Variants in CNDP2 observed in about 807,000 individuals in gnomAD.
CNDP2 encodes cytosolic non-specific dipeptidase.
A neutral mutation model predicts 55.0 loss-of-function variants in CNDP2; 38 were observed. The ratio of observed to expected loss-of-function variants is 0.69; its 90% CI spans 0.53 to 0.90. CNDP2 has a LOEUF of 0.90. CNDP2 is among the 40% of genes least tolerant of loss of function. The probability of loss-of-function intolerance (pLI) is 0.00; values close to 1 mark genes in which losing one functional copy is unlikely to be tolerated. For missense variants in CNDP2, 607 were observed against 621.7 expected (o/e 0.98, Z 0.25); for synonymous variants, 241 against 260.2 (o/e 0.93, Z 0.71).
intron 8 of CNDP2, 85 bp downstream of exon 8, chr18:74,513,804 C>T (rs1979494916): frequency 1.4e-6 from 2 of 1,404,404 alleles, no homozygotes; most frequent in Non-Finnish European, 1.9e-6. Context: ...TTCCCTGGGT[C>T]CAGGGGGTCT....
Position 74,511,339 on chromosome 18 carries a change from T to TC in CNDP2, c.657+328dup, listed in dbSNP as rs1431123904. 4.4e-5 allele frequency: 13 copies of TC among 293,166 alleles called. No homozygotes were observed. The South Asian group carries it at 9.0e-4, about 20-fold the overall frequency. The allele number at this position is 293,166 out of a possible 1,614,324, so 18.2% of individuals were successfully genotyped here. A position where few individuals can be genotyped will look rare whatever the true frequency, so the allele number is the denominator to read the frequency against. ...ACATACAAAGCATTTTAGAAACACTTCCTTTTGAAGGTGGAAATATTTATA... is the reference window on the plus strand; with the variant it reads ...ACATACAAAGCATTTTAGAAACACTTCCCTTTTGAAGGTGGAAATATTTATA... On this transcript the variant is annotated intron_variant, in intron 6 of 11. Transcript: ENST00000324262.
chr18:74,498,714 C>T (rs898888192), intron 1 of CNDP2, among the ~76,000 whole-genome samples: 3 of 152,228 alleles, frequency 2.0e-5, no homozygotes, highest in African/African-American at 7.2e-5. Flanking sequence ...ATAAACGCCT[C>T]TCCAGCGTGC....
chr18:74,505,271 A>T (rs1368269632), intron 3 of CNDP2: 1 of 152,228 alleles, frequency 6.6e-6, no homozygotes, highest in African/African-American at 2.4e-5. Flanking sequence ...GTGTTTTGTT[A>T]TATAAAAGTC....
Position 74,510,876 on chromosome 18 carries a change from G to C in CNDP2, c.520G>C (p.Asp174His). The change falls in exon 6 of 12, where the codon GAC (aspartate) becomes CAC (histidine). Residue 174 changes from aspartate to histidine, a missense_variant. Asp to His is a moderately conservative substitution (Grantham distance 81, BLOSUM62 -1). Transcript: ENST00000324262. Reference sequence around the variant, plus strand: ...GGAGGAGTCAGGCTCTGAGGGCCTAGACGAGCTGATTTTTGCCCGGAAAGA... The same window carrying C: ...GGAGGAGTCAGGCTCTGAGGGCCTACACGAGCTGATTTTTGCCCGGAAAGA... ...GMEESGSEGL[D>H]ELIFARKDTF... 1 of 1,614,220 alleles carries C rather than the reference G, an allele frequency of 6.2e-7. No homozygotes were observed. The highest frequency in any genetic ancestry group is 8.5e-7 in the Non-Finnish European group (1 of 1,180,052).
At chr18:74,502,109 C>T (rs749727767) in intron 3 of CNDP2, among the ~76,000 whole-genome samples, 30 of 152,326 alleles carry the variant, frequency 2.0e-4, no homozygotes, top group Non-Finnish European at 4.0e-4. Flanking sequence ...TGGTCTCGAA[C>T]TCCTGACCTC....
At position 74,499,958 on chromosome 18, in the gene CNDP2, G is replaced by C. The variant is rs748832993; in HGVS notation, c.-16G>C. The C allele has an allele frequency of 3.7e-6, 6 of 1,613,434 alleles. No homozygotes were observed. The highest frequency in any genetic ancestry group is 5.1e-6 in the Non-Finnish European group (6 of 1,179,528). Reference sequence around the variant, plus strand: ...CAAGAACCTTCGAGATCTGCGGTCTGGGGTCTGGTTGAAAGATGGCGGCCC... The same window carrying C: ...CAAGAACCTTCGAGATCTGCGGTCTCGGGTCTGGTTGAAAGATGGCGGCCC... On this transcript the variant is annotated 5_prime_UTR_variant, in exon 2 of 12. Coordinates refer to ENST00000324262, the MANE Select transcript of CNDP2 (RefSeq NM_018235.3).
intron 11 of CNDP2, 55 bp from the exon 12 acceptor site, chr18:74,519,944 C>T: frequency 1.9e-6 from 3 of 1,541,820 alleles, no homozygotes; most frequent in Non-Finnish European, 2.7e-6. Flanking sequence ...TCACCCCACA[C>T]CTGGGTGTTG....
chr18:74,519,937 C>T (rs1038738671), intron 11 of CNDP2, 62 bp from the exon 12 acceptor site: 53 of 1,501,426 alleles, frequency 3.5e-5, no homozygotes, highest in Non-Finnish European at 4.7e-5. Flanking sequence ...GGAGGAGTCA[C>T]CCCACACCTG....
rs1464869055 is a variant in CNDP2, at chr18:74,523,166, T to C, written c.*3098T>C. 1 of 152,222 alleles carries C rather than the reference T, an allele frequency of 6.6e-6. No individual in the cohort carries two copies. Among genetic ancestry groups the C allele is most frequent in the Non-Finnish European group, 1.5e-5 (1 of 68,058 alleles). 9.4% of individuals were successfully genotyped at this position (152,222 alleles called of 1,614,324 possible). On this transcript the variant is annotated 3_prime_UTR_variant, in exon 12 of 12. Transcript: ENST00000324262. Reference sequence around the variant, plus strand: ...ACATTTGCACACGTCCAGACTGCTTTATGTTAGAAGCTGAGCTGGCATGCC... The same window carrying C: ...ACATTTGCACACGTCCAGACTGCTTCATGTTAGAAGCTGAGCTGGCATGCC...
At chr18:74,518,170 G>C in intron 9 of CNDP2, 1 of 177,424 alleles carries the variant, frequency 5.6e-6, no homozygotes, top group South Asian at 1.2e-4. Flanking sequence ...GCTGAGGCAG[G>C]AGAATGGCGT....
rs1295334021 is a variant in CNDP2, at chr18:74,521,264, C to G, written c.*1196C>G. ...CCAGGTCTTCCCAGGCGAGCACTCCCTCCCTCGTCCACACAAGTGGAGGCT... is the reference window on the plus strand; with the variant it reads ...CCAGGTCTTCCCAGGCGAGCACTCCGTCCCTCGTCCACACAAGTGGAGGCT... On this transcript the variant is annotated 3_prime_UTR_variant, in exon 12 of 12. Transcript: ENST00000324262. The G allele has an allele frequency of 6.6e-6, 1 of 152,298 alleles. No homozygotes were observed. Among genetic ancestry groups the G allele is most frequent in the Non-Finnish European group, 1.5e-5 (1 of 68,102 alleles). 9.4% of individuals were successfully genotyped at this position (152,298 alleles called of 1,614,324 possible).
intron 1 of CNDP2, among the ~76,000 whole-genome samples, chr18:74,497,325 T>A (rs1978468549): frequency 6.6e-6 from 1 of 152,198 alleles, no homozygotes; most frequent in South Asian, 2.1e-4. Flanking sequence ...TGGTTCTTAA[T>A]CAGACATGAA....
Position 74,519,070 on chromosome 18 carries a change from C to T in CNDP2, c.1332C>T (p.Ala444=). The T allele has an allele frequency of 6.2e-7, 1 of 1,610,878 alleles. No homozygotes were observed. Among genetic ancestry groups the T allele is most frequent in the Non-Finnish European group, 8.5e-7 (1 of 1,177,420 alleles). Residue 444 remains alanine, a synonymous_variant, in exon 11 of 12, where the codon GCC becomes GCT. Coordinates refer to ENST00000324262, the MANE Select transcript of CNDP2 (RefSeq NM_018235.3). ...LLPVGSADDG[A]HSQNEKLNRY... ...CTGTGGGGTCAGCGGATGACGGAGC[C>T]CACTCCCAGAATGAAAAGCTCAACA...
At position 74,512,296 on chromosome 18, in the gene CNDP2, T is replaced by C. The variant is rs1201810187; in HGVS notation, c.658-152T>C. 10 of 619,634 alleles carry C rather than the reference T, an allele frequency of 1.6e-5. No individual in the cohort carries two copies. In the East Asian group the frequency reaches 1.8e-4, roughly 11 times the overall value. 38.4% of individuals were successfully genotyped at this position (619,634 alleles called of 1,614,324 possible). On this transcript the variant is annotated intron_variant, in intron 6 of 11. Transcript: ENST00000324262. Reference sequence around the variant, plus strand: ...TTTTGTTCCTGCCTAGGTTTTTAATTTGGGAAATGCCTTGCTTTGCTCCCT... The same window carrying C: ...TTTTGTTCCTGCCTAGGTTTTTAATCTGGGAAATGCCTTGCTTTGCTCCCT...
intron 6 of CNDP2, 51 bp downstream of exon 6, chr18:74,511,064 G>A (rs777916953): frequency 1.7e-5 from 26 of 1,516,166 alleles, no homozygotes; most frequent in African/African-American, 2.8e-5. Flanking sequence ...TGAATCTCCC[G>A]GTTCTCCCAA....
chr18:74,507,247 CT>C (rs1249321782), intron 4 of CNDP2: 1 of 152,318 alleles, frequency 6.6e-6, no homozygotes, highest in East Asian at 1.9e-4. Flanking sequence ...AAGTCTTTGT[CT>C]TTGCTCCTTG....
intron 3 of CNDP2, among the ~76,000 whole-genome samples, chr18:74,502,030 C>T (rs1193533037): frequency 1.3e-5 from 2 of 152,058 alleles, no homozygotes; most frequent in South Asian, 2.1e-4. Flanking sequence ...AGTAGCTGGG[C>T]GAGCGCCACT....
intron 4 of CNDP2, 119 bp downstream of exon 4, chr18:74,506,130 T>C: frequency 1.0e-6 from 1 of 972,742 alleles, no homozygotes; most frequent in Non-Finnish European, 1.3e-6. Context: ...TTTATTTTAT[T>C]ACTTTTTAAA....
intron 7 of CNDP2, among the ~76,000 whole-genome samples, chr18:74,512,786 T>G (rs1011930553): frequency 6.6e-6 from 1 of 152,116 alleles, no homozygotes; most frequent in African/African-American, 2.4e-5. Flanking sequence ...AGCACCCAAC[T>G]CAGTCACCCC....
Sources: allele counts gnomAD v4.1 joint callset (sites outside exome capture counted in the v4.1 genomes callset), GRCh38; gene constraint gnomAD v4.1.1; transcripts MANE v1.5; gene names NCBI Gene and HGNC (gene_info 2026-07-23, HGNC 2026-07-21).